EP300: variants seen among roughly 807,000 people sequenced by gnomAD.
EP300 encodes the protein histone acetyltransferase p300.
A neutral mutation model predicts 264.0 loss-of-function variants in EP300; 31 were observed. That is an observed-to-expected ratio of 0.12 (90% confidence interval 0.09 to 0.16). EP300 has a LOEUF of 0.16. Ranked by LOEUF, EP300 falls within the 10% of genes least tolerant of loss-of-function variation. EP300 has a pLI of 1.00. For missense variants in EP300, 2,766 were observed against 3,052.9 expected (o/e 0.91, Z 2.21); for synonymous variants, 1,340 against 1,045.4 (o/e 1.28, Z -5.44).
At chr22:41,122,933 G>T (rs2058860766) in intron 2 of EP300, among the ~76,000 whole-genome samples, 1 of 152,096 alleles carries the variant, frequency 6.6e-6, no homozygotes. Flanking sequence ...CTGCTTGGGA[G>T]GCTGAGATGG....
chr22:41,116,063 T>G (rs1314303034), intron 1 of EP300, among the ~76,000 whole-genome samples: 1 of 152,232 alleles, frequency 6.6e-6, no homozygotes, highest in African/African-American at 2.4e-5. Context: ...TTGGGAATAT[T>G]AATACAGCTT....
intron 8 of EP300, among the ~76,000 whole-genome samples, chr22:41,138,740 T>C (rs1232751794): frequency 6.6e-6 from 1 of 152,192 alleles, no homozygotes; most frequent in East Asian, 1.9e-4. Context: ...TATTTTTTCT[T>C]GGAGAAGTCT....
At chr22:41,172,251 A>G (rs1301071662) in intron 27 of EP300, among the ~76,000 whole-genome samples, 1 of 152,178 alleles carries the variant, frequency 6.6e-6, no homozygotes, top group Non-Finnish European at 1.5e-5. Flanking sequence ...ACTTGGTTAT[A>G]TAAAGGCAGA....
intron 4 of EP300, among the ~76,000 whole-genome samples, chr22:41,128,496 A>T (rs2058896467): frequency 6.6e-6 from 1 of 152,100 alleles, no homozygotes; most frequent in African/African-American, 2.4e-5. Flanking sequence ...TAATTTTTTA[A>T]AATTATTTTA....
At chr22:41,112,749 A>G (rs2058800312) in intron 1 of EP300, among the ~76,000 whole-genome samples, 1 of 149,020 alleles carries the variant, frequency 6.7e-6, no homozygotes, top group Non-Finnish European at 1.5e-5. Context: ...CTTGAATTGT[A>G]TTTTCCTTGA....
In EP300 at chr22:41,168,431, T is replaced by C. The variant is rs1569116262; in HGVS notation, c.3875-18T>C. 3.1e-6 allele frequency: 5 copies of C among 1,614,064 alleles called. No individual in the cohort carries two copies. Among genetic ancestry groups the C allele is most frequent in the Non-Finnish European group, 4.2e-6 (5 of 1,179,986 alleles). On this transcript the variant is annotated intron_variant, in intron 23 of 30. Coordinates refer to ENST00000263253, the MANE Select transcript of EP300 (RefSeq NM_001429.4). ...AGTAAATTTGCACCTCAGTAACTTT[T>C]AACTTTTACATTCCTAGGGTTGCCA...
Position 41,179,313 on chromosome 22 carries a change from GTAATAT to G in EP300, c.*363_*368del, listed in dbSNP as rs983493638. The G allele has an allele frequency of 9.6e-5, 27 of 282,240 alleles. No individual in the cohort carries two copies. Among genetic ancestry groups the G allele is most frequent in the Non-Finnish European group, 1.7e-4 (25 of 147,284 alleles). 17.5% of individuals were successfully genotyped at this position (282,240 alleles called of 1,614,324 possible). A position where few individuals can be genotyped will look rare whatever the true frequency, so the allele number is the denominator to read the frequency against. On this transcript the variant is annotated 3_prime_UTR_variant, in exon 31 of 31. Transcript: ENST00000263253. ...ATTTTTTTTAAATTAATGAACATAT[GTAATAT>G]TAATAGTTATTATTTACTGGTGCAG...
intron 17 of EP300, among the ~76,000 whole-genome samples, chr22:41,155,354 G>C (rs2059071173): frequency 6.6e-6 from 1 of 151,910 alleles, no homozygotes; most frequent in African/African-American, 2.4e-5. Flanking sequence ...TCAGCATCCT[G>C]AGTAGCTGGG....
intron 1 of EP300, among the ~76,000 whole-genome samples, chr22:41,111,202 C>T (rs1353261368): frequency 1.3e-5 from 2 of 151,676 alleles, no homozygotes; most frequent in East Asian, 3.9e-4. Flanking sequence ...TCTTAAACTC[C>T]TGACCTCCAG....
intron 17 of EP300, among the ~76,000 whole-genome samples, chr22:41,155,883 C>CA (rs2145745748): frequency 6.6e-6 from 1 of 152,264 alleles, no homozygotes; most frequent in Admixed American, 6.5e-5. Context: ...AGGTTGTTTA[C>CA]ACGTTTTGAC....
At chr22:41,168,428 T>A in intron 23 of EP300, 21 bp from the exon 24 acceptor site, 1 of 1,614,032 alleles carries the variant, frequency 6.2e-7, no homozygotes, top group Non-Finnish European at 8.5e-7. Context: ...CCTCAGTAAC[T>A]TTTAACTTTT....
At position 41,162,432 on chromosome 22, in the gene EP300, A is replaced by G. The variant is rs7285973; in HGVS notation, c.3672-291A>G. Among the ~76,000 whole-genome samples, 2,633 of 152,224 alleles carry G rather than the reference A, an allele frequency of 0.017. 69 individuals carry two copies. The highest frequency in any genetic ancestry group is 0.061 in the African/African-American group (2,514 of 41,514). On this transcript the variant is annotated intron_variant, in intron 20 of 30. Transcript: ENST00000263253. ...AGGATGGGAAGCCATGATACCTAAC[A>G]CCAAGAATAGTAACAGACAAGATTT...
At chr22:41,128,887 AACTC>A (rs2058899104) in intron 4 of EP300, among the ~76,000 whole-genome samples, 1 of 152,164 alleles carries the variant, frequency 6.6e-6, no homozygotes, top group Non-Finnish European at 1.5e-5. Context: ...CATCACAGTT[AACTC>A]ACTCGGTAAA....
chr22:41,157,419 T>G lies in EP300; in HGVS notation c.3501+11T>G. 6.2e-7 allele frequency: 1 copy of G among 1,613,618 alleles called. No individual in the cohort carries two copies. The highest frequency in any genetic ancestry group is 8.5e-7 in the Non-Finnish European group (1 of 1,180,028). On this transcript the variant is annotated intron_variant, in intron 18 of 30. Transcript: ENST00000263253. ...TGTTGTGGCAGAAAGGTAAGAAATGTGTTTCAGATTTGACTTTAACTTTTC... is the reference window on the plus strand; with the variant it reads ...TGTTGTGGCAGAAAGGTAAGAAATGGGTTTCAGATTTGACTTTAACTTTTC...
At chr22:41,097,983 C>T (rs894458101) in intron 1 of EP300, among the ~76,000 whole-genome samples, 3 of 150,296 alleles carry the variant, frequency 2.0e-5, no homozygotes, top group Admixed American at 6.6e-5. Context: ...CGTGAGCCAC[C>T]GCGCCCAGCT....
chr22:41,139,003 G>A (rs997746190), intron 8 of EP300, among the ~76,000 whole-genome samples: 1 of 152,082 alleles, frequency 6.6e-6, no homozygotes, highest in African/African-American at 2.4e-5. Context: ...AGGCTGGAGT[G>A]CAGTGTCGTG....
chr22:41,177,438 C>G lies in EP300; in HGVS notation c.5727C>G (p.Thr1909=). The G allele has an allele frequency of 1.9e-6, 3 of 1,614,210 alleles. No homozygotes were observed. Among genetic ancestry groups the G allele is most frequent in the Non-Finnish European group, 2.5e-6 (3 of 1,180,050 alleles). ...GKAAGQVTPP[T]PPQTAQPPLP... ...CAGCAGGCCAGGTGACCCCTCCAACCCCTCCTCAGACTGCTCAGCCACCCC... is the reference window on the plus strand; with the variant it reads ...CAGCAGGCCAGGTGACCCCTCCAACGCCTCCTCAGACTGCTCAGCCACCCC... The change falls in exon 31 of 31, where the codon ACC becomes ACG. Residue 1909 remains threonine, a synonymous_variant. Coordinates refer to ENST00000263253, the MANE Select transcript of EP300 (RefSeq NM_001429.4).
chr22:41,158,578 A>AG, intron 19 of EP300, 78 bp downstream of exon 19: 2 of 1,117,548 alleles, frequency 1.8e-6, no homozygotes, highest in South Asian at 2.6e-5. Flanking sequence ...CAGCACACAT[A>AG]CAGTCATGGT....
At chr22:41,099,244 A>G (rs547791816) in intron 1 of EP300, among the ~76,000 whole-genome samples, 95 of 152,136 alleles carry the variant, frequency 6.2e-4, no homozygotes, top group African/African-American at 2.3e-3. Context: ...TTGTATTTTT[A>G]GTAGAGACAG....
Sources: allele counts gnomAD v4.1 joint callset (sites outside exome capture counted in the v4.1 genomes callset), GRCh38; gene constraint gnomAD v4.1.1; transcripts MANE v1.5; gene names NCBI Gene and HGNC (gene_info 2026-07-23, HGNC 2026-07-21).